Variants in PPM1H observed in about 807,000 individuals in gnomAD.
PPM1H encodes protein phosphatase 1H.
PPM1H carries 27 observed loss-of-function variants against 54.9 expected under a neutral mutation model. The ratio of observed to expected loss-of-function variants is 0.49; its 90% CI spans 0.36 to 0.68. The LOEUF is 0.68. PPM1H is among the 30% of genes least tolerant of loss of function. The pLI, the probability that PPM1H is intolerant of heterozygous loss-of-function variation, is 0.00. For missense variants in PPM1H, 596 were observed against 667.8 expected (o/e 0.89, Z 1.19); for synonymous variants, 305 against 270.8 (o/e 1.13, Z -1.24).
chr12:62,776,658 T>C (rs186257885), intron 4 of PPM1H, among the ~76,000 whole-genome samples: 7 of 152,164 alleles, frequency 4.6e-5, no homozygotes, highest in Non-Finnish European at 1.0e-4. Context: ...TCTGGAGGGG[T>C]GAGGGCCAGC....
At chr12:62,775,090 G>A (rs1429532507) in intron 4 of PPM1H, among the ~76,000 whole-genome samples, 1 of 152,238 alleles carries the variant, frequency 6.6e-6, no homozygotes, top group African/African-American at 2.4e-5. Context: ...AAATCCCACA[G>A]GTGAATACAT....
intron 4 of PPM1H, among the ~76,000 whole-genome samples, chr12:62,765,901 T>C (rs1278419107): frequency 6.6e-6 from 1 of 152,044 alleles, no homozygotes; most frequent in African/African-American, 2.4e-5. Flanking sequence ...GAGCTCAGGG[T>C]ATGAGGATGA....
chr12:62,762,517 C>T (rs539439194), intron 4 of PPM1H, among the ~76,000 whole-genome samples: 10 of 152,298 alleles, frequency 6.6e-5, no homozygotes, highest in Admixed American at 3.3e-4. Context: ...ATGCATACCC[C>T]GAAAATGATC....
At chr12:62,859,999 C>A (rs764864911) in intron 1 of PPM1H, among the ~76,000 whole-genome samples, 4 of 152,136 alleles carry the variant, frequency 2.6e-5, no homozygotes, top group Non-Finnish European at 5.9e-5. Context: ...GAGGTGAAGA[C>A]GTGAGGATAA....
intron 1 of PPM1H, among the ~76,000 whole-genome samples, chr12:62,857,405 T>G (rs1869429723): frequency 6.6e-6 from 1 of 152,204 alleles, no homozygotes; most frequent in Admixed American, 6.5e-5. Flanking sequence ...TTGTGATCAA[T>G]GAGAACACAG....
At position 62,746,991 on chromosome 12, in the gene PPM1H, G is replaced by T. The variant is rs1052594138; in HGVS notation, c.870-9405C>A. Among the ~76,000 whole-genome samples, 106 of 152,128 alleles carry T rather than the reference G, an allele frequency of 7.0e-4. 2 individuals are homozygous for T. Among genetic ancestry groups the T allele is most frequent in the African/African-American group, 2.4e-3 (99 of 41,472 alleles). On this transcript the variant is annotated intron_variant, in intron 4 of 9. Coordinates refer to ENST00000228705, the MANE Select transcript of PPM1H (RefSeq NM_020700.2). ...TTTTGAGACAGGATCTCGTTCTGTT[G>T]CCCAGGCTGGAGTGCAGTGGCACGA...
Position 62,647,801 on chromosome 12 carries a change from C to T in PPM1H, c.*688G>A. On this transcript the variant is annotated 3_prime_UTR_variant, in exon 10 of 10. Transcript: ENST00000228705. ...GCTGGAGGAGGTGGGGACAACCCAG[C>T]CTGGGTGGGACTTGGACACAGAACT... 6.6e-6 allele frequency: 1 copy of T among 152,200 alleles called. No homozygotes were observed. Among genetic ancestry groups the T allele is most frequent in the Non-Finnish European group, 1.5e-5 (1 of 68,202 alleles). 9.4% of individuals were successfully genotyped at this position (152,200 alleles called of 1,614,324 possible). A position where few individuals can be genotyped will look rare whatever the true frequency, so the allele number is the denominator to read the frequency against.
chr12:62,873,795 G>A (rs551230234), intron 1 of PPM1H, among the ~76,000 whole-genome samples: 4 of 152,284 alleles, frequency 2.6e-5, no homozygotes, highest in East Asian at 1.9e-4. Flanking sequence ...CAGTTTGTGA[G>A]GACAAAGTTT....
intron 5 of PPM1H, among the ~76,000 whole-genome samples, chr12:62,735,329 G>A (rs989866586): frequency 3.3e-5 from 5 of 151,376 alleles, no homozygotes; most frequent in South Asian, 2.1e-4. Flanking sequence ...CTCCCACTTC[G>A]GCCTCCTGAG....
intron 8 of PPM1H, among the ~76,000 whole-genome samples, chr12:62,673,715 C>CTTTTTTTTTT (rs567775927): frequency 0.013 from 538 of 41,958 alleles, 120 homozygotes; most frequent in Middle Eastern, 0.071. Context: ...AAGAGCCACT[C>CTTTTTTTTTT]TTTTTTTTTT....
intron 4 of PPM1H, among the ~76,000 whole-genome samples, chr12:62,786,763 G>C (rs931400270): frequency 6.6e-6 from 1 of 152,198 alleles, no homozygotes; most frequent in Admixed American, 6.5e-5. Flanking sequence ...GGCAGCCATG[G>C]GGTAAACATA....
chr12:62,731,427 T>C (rs1237796991), intron 5 of PPM1H, among the ~76,000 whole-genome samples: 1 of 152,188 alleles, frequency 6.6e-6, no homozygotes, highest in Admixed American at 6.5e-5. Flanking sequence ...ACCAGCACGC[T>C]TGAACCTCCC....
intron 8 of PPM1H, among the ~76,000 whole-genome samples, chr12:62,670,145 T>G (rs2075948873): frequency 6.6e-6 from 1 of 151,518 alleles, no homozygotes; most frequent in African/African-American, 2.4e-5. Context: ...GCCCGGCTAA[T>G]TTTGTATTTT....
chr12:62,679,543 A>C (rs2136626304), intron 8 of PPM1H, among the ~76,000 whole-genome samples: 1 of 152,260 alleles, frequency 6.6e-6, no homozygotes, highest in African/African-American at 2.4e-5. Flanking sequence ...GAGGTTTATG[A>C]AATTTTGGGG....
intron 2 of PPM1H, among the ~76,000 whole-genome samples, chr12:62,815,848 C>G (rs1418319906): frequency 6.6e-6 from 1 of 151,774 alleles, no homozygotes; most frequent in Non-Finnish European, 1.5e-5. Flanking sequence ...AATCAGAGGG[C>G]TTTTTTTTCT....
At chr12:62,685,472 T>C (rs1019310260) in intron 8 of PPM1H, among the ~76,000 whole-genome samples, 1 of 152,196 alleles carries the variant, frequency 6.6e-6, no homozygotes, top group Non-Finnish European at 1.5e-5. Context: ...TGGGTACAAG[T>C]ACCAGCTTGC....
At chr12:62,732,787 T>C (rs925031869) in intron 5 of PPM1H, among the ~76,000 whole-genome samples, 2 of 152,140 alleles carry the variant, frequency 1.3e-5, no homozygotes, top group African/African-American at 2.4e-5. Flanking sequence ...TTAGCCAGGA[T>C]GGGGACCCAG....
intron 6 of PPM1H, among the ~76,000 whole-genome samples, chr12:62,702,551 A>G (rs1185237853): frequency 6.9e-6 from 1 of 144,740 alleles, no homozygotes; most frequent in Non-Finnish European, 1.5e-5. Context: ...CTACAGAGAG[A>G]GAGAGAGAGA....
At chr12:62,737,388 T>C (rs1204646828) in intron 5 of PPM1H, 114 bp downstream of exon 5, 11 of 628,888 alleles carry the variant, frequency 1.7e-5, no homozygotes, top group South Asian at 1.4e-4. Flanking sequence ...TAATACCATA[T>C]GTCATTTGAA....
Sources: allele counts gnomAD v4.1 joint callset (sites outside exome capture counted in the v4.1 genomes callset), GRCh38; gene constraint gnomAD v4.1.1; transcripts MANE v1.5; gene names NCBI Gene and HGNC (gene_info 2026-07-23, HGNC 2026-07-21).